Variants in MGAT4C observed in about 807,000 individuals in gnomAD.
The protein encoded by MGAT4C is alpha-1,3-mannosyl-glycoprotein 4-beta-N-acetylglucosaminyltransferase C.
A neutral mutation model predicts 40.1 loss-of-function variants in MGAT4C; 19 were observed. That is an observed-to-expected ratio of 0.47 (90% CI 0.33 to 0.70). The LOEUF (loss-of-function observed/expected upper bound fraction) is 0.70. Among genes scored for constraint, MGAT4C ranks in the 30% least tolerant of loss-of-function variants. MGAT4C has a pLI of 0.02. For missense variants in MGAT4C, 491 were observed against 563.2 expected (o/e 0.87, Z 1.30); for synonymous variants, 181 against 187.1 (o/e 0.97, Z 0.27).
chr12:86,564,555 C>T (rs1960007394), intron 2 of MGAT4C, among the ~76,000 whole-genome samples: 1 of 152,178 alleles, frequency 6.6e-6, no homozygotes, highest in South Asian at 2.1e-4. Flanking sequence ...GATACATTTG[C>T]ATGCAATGGG....
chr12:86,779,603 A>AAATAAT (rs72019715), intron 1 of MGAT4C, among the ~76,000 whole-genome samples: 16 of 149,068 alleles, frequency 1.1e-4, no homozygotes, highest in African/African-American at 3.4e-4. Context: ...ACTTGTCTCA[A>AAATAAT]AATAATAATA....
chr12:86,411,981 T>G (rs933047909), intron 3 of MGAT4C, among the ~76,000 whole-genome samples: 1 of 152,160 alleles, frequency 6.6e-6, no homozygotes, highest in African/African-American at 2.4e-5. Flanking sequence ...AGAGTGCCAG[T>G]CCTAAGGCCT....
chr12:86,262,158 C>T (rs1437863815), intron 4 of MGAT4C, among the ~76,000 whole-genome samples: 1 of 152,046 alleles, frequency 6.6e-6, no homozygotes, highest in Non-Finnish European at 1.5e-5. Flanking sequence ...TTCTCCATCG[C>T]AAATGACAAG....
At chr12:86,586,680 T>C (rs532203381) in intron 2 of MGAT4C, among the ~76,000 whole-genome samples, 22 of 145,340 alleles carry the variant, frequency 1.5e-4, no homozygotes, top group African/African-American at 5.2e-4. Flanking sequence ...GTGGTTTTGA[T>C]TTGCATTTCT....
intron 2 of MGAT4C, among the ~76,000 whole-genome samples, chr12:86,575,101 C>G (rs1443529420): frequency 2.6e-5 from 4 of 151,734 alleles, no homozygotes; most frequent in Middle Eastern, 3.4e-3. Flanking sequence ...AATAATCTCT[C>G]TAGACTCATC....
chr12:86,463,336 T>G (rs1046086534), intron 2 of MGAT4C, among the ~76,000 whole-genome samples: 2 of 152,160 alleles, frequency 1.3e-5, no homozygotes, highest in African/African-American at 4.8e-5. Context: ...TTATCTTGCA[T>G]GTAATCATGC....
intron 3 of MGAT4C, among the ~76,000 whole-genome samples, chr12:86,416,676 T>C (rs993055626): frequency 6.6e-6 from 1 of 152,094 alleles, no homozygotes; most frequent in Admixed American, 6.5e-5. Context: ...GGGTTTTGGA[T>C]GAGCACATAA....
intron 1 of MGAT4C, among the ~76,000 whole-genome samples, chr12:86,128,057 T>C (rs1880577569): frequency 6.6e-6 from 1 of 152,228 alleles, no homozygotes; most frequent in African/African-American, 2.4e-5. Flanking sequence ...TTCTGTGCTA[T>C]ATTTTCAAAT....
At chr12:86,045,929 T>C (rs1208384131) in intron 2 of MGAT4C, among the ~76,000 whole-genome samples, 1 of 152,210 alleles carries the variant, frequency 6.6e-6, no homozygotes, top group Non-Finnish European at 1.5e-5. Context: ...GTGTATTTTA[T>C]TAGTGTGATC....
intron 1 of MGAT4C, among the ~76,000 whole-genome samples, chr12:86,187,062 G>T (rs1023599287): frequency 1.3e-5 from 2 of 152,072 alleles, no homozygotes; most frequent in African/African-American, 2.4e-5. Flanking sequence ...GTATAGGCAT[G>T]CACACATTCT....
rs939433067 is a variant in MGAT4C at position 86,836,756 on chromosome 12, A to C, written c.-262+1910T>G. On this transcript the variant is annotated intron_variant, in intron 1 of 7. Transcript: ENST00000548651. ...TCATCTAACATTCAAAAGGCAAATT[A>C]AAGAATATATTGCTAAACTTCTATT... is the stretch of plus-strand genomic sequence containing the variant. Among the ~76,000 whole-genome samples, 6 of 152,266 alleles carry C rather than the reference A, an allele frequency of 3.9e-5. No individual in the cohort carries two copies. In the East Asian group the frequency reaches 1.2e-3, roughly 29 times the overall value.
intron 1 of MGAT4C, among the ~76,000 whole-genome samples, chr12:86,796,643 T>C (rs779824856): frequency 6.6e-5 from 10 of 151,942 alleles, no homozygotes; most frequent in Admixed American, 1.3e-4. Flanking sequence ...TAACAATATA[T>C]AGCATTCTTG....
chr12:86,296,379 T>TGCCAGTCCCGTGCCAGCTGCCC (rs1953676305), intron 4 of MGAT4C, among the ~76,000 whole-genome samples: 1 of 152,220 alleles, frequency 6.6e-6, no homozygotes, highest in South Asian at 2.1e-4. Context: ...TGGAGCTGCC[T>TGCCAGTCCCGTGCCAGCTGCCC]GCCAGTCCCG....
At chr12:86,450,147 A>C (rs1417748247) in intron 2 of MGAT4C, among the ~76,000 whole-genome samples, 1 of 152,102 alleles carries the variant, frequency 6.6e-6, no homozygotes, top group African/African-American at 2.4e-5. Flanking sequence ...TCTCGGCGGC[A>C]GTGTCAGTTT....
intron 3 of MGAT4C, among the ~76,000 whole-genome samples, chr12:86,365,265 A>T (rs1955566822): frequency 6.6e-6 from 1 of 152,128 alleles, no homozygotes; most frequent in Admixed American, 6.5e-5. Flanking sequence ...GTCAAAGTTT[A>T]ATGTTATCTC....
intron 1 of MGAT4C, among the ~76,000 whole-genome samples, chr12:86,772,907 C>G (rs756450093): frequency 2.0e-5 from 3 of 152,050 alleles, no homozygotes; most frequent in African/African-American, 7.2e-5. Flanking sequence ...CTCACCCACA[C>G]GTGGATCAAA....
At chr12:86,058,862 C>T (rs2095724978) in intron 1 of MGAT4C, among the ~76,000 whole-genome samples, 1 of 151,616 alleles carries the variant, frequency 6.6e-6, no homozygotes, top group Admixed American at 6.6e-5. Flanking sequence ...GAAATTCTCC[C>T]CAATTCCAAT....
chr12:86,814,054 G>A (rs944696786), intron 1 of MGAT4C, among the ~76,000 whole-genome samples: 1 of 151,760 alleles, frequency 6.6e-6, no homozygotes. Context: ...GGGACTACAG[G>A]TGCACACTGC....
intron 3 of MGAT4C, among the ~76,000 whole-genome samples, chr12:86,364,061 G>T (rs12302123): frequency 6.6e-6 from 1 of 151,246 alleles, no homozygotes; most frequent in Non-Finnish European, 1.5e-5. Flanking sequence ...CAATTGAGTT[G>T]GTAGTTAAGT....
Sources: allele counts gnomAD v4.1 joint callset (sites outside exome capture counted in the v4.1 genomes callset), GRCh38; gene constraint gnomAD v4.1.1; transcripts MANE v1.5; gene names NCBI Gene and HGNC (gene_info 2026-07-23, HGNC 2026-07-21).